The following AUTS2 variants were observed in gnomAD, a reference collection of about 807,000 sequenced individuals.
AUTS2 encodes autism susceptibility gene 2 protein.
A neutral mutation model predicts 112.4 loss-of-function variants in AUTS2; 17 were observed. The observed-to-expected ratio is 0.15, with a 90% confidence interval of 0.10 to 0.23. The LOEUF is 0.23. AUTS2 is among the 10% of genes least tolerant of loss of function. The pLI is 1.00. For missense variants in AUTS2, 1,510 were observed against 1,701.6 expected (o/e 0.89, Z 1.98); for synonymous variants, 751 against 702.7 (o/e 1.07, Z -1.09).
intron 2 of AUTS2, among the ~76,000 whole-genome samples, chr7:70,025,297 A>T (rs1350372351): frequency 6.6e-6 from 1 of 152,094 alleles, no homozygotes; most frequent in South Asian, 2.1e-4. Context: ...AGCCATGTAG[A>T]GCTCAAGGTT....
intron 4 of AUTS2, among the ~76,000 whole-genome samples, chr7:70,361,194 G>C (rs900794900): frequency 9.2e-5 from 14 of 152,092 alleles, no homozygotes; most frequent in African/African-American, 3.4e-4. Context: ...TTAGCTGGGC[G>C]TGGTGGCGGA....
chr7:69,838,829 G>A (rs1005045144), intron 1 of AUTS2, among the ~76,000 whole-genome samples: 11 of 152,098 alleles, frequency 7.2e-5, no homozygotes, highest in Admixed American at 7.2e-4. Context: ...AAGCCACATG[G>A]AGCATAGTTT....
At chr7:69,639,251 ATCTAT>A (rs1794694036) in intron 1 of AUTS2, among the ~76,000 whole-genome samples, 1 of 152,320 alleles carries the variant, frequency 6.6e-6, no homozygotes, top group South Asian at 2.1e-4. Flanking sequence ...GAGAGTACTT[ATCTAT>A]TTTATGTCCT....
At chr7:69,816,981 C>T (rs1400851290) in intron 1 of AUTS2, among the ~76,000 whole-genome samples, 1 of 152,162 alleles carries the variant, frequency 6.6e-6, no homozygotes, top group East Asian at 1.9e-4. Flanking sequence ...CTCTTGGAAC[C>T]TCAGTTCTTT....
In AUTS2 at chr7:70,790,794, A is replaced by G. The variant is rs780293205; in HGVS notation, c.3578A>G (p.His1193Arg). Residue 1193 changes from histidine to arginine, a missense_variant, in exon 19 of 19, where the codon CAC becomes CGC. Around this residue, in one of 3 missense-constraint regions of AUTS2, gnomAD observed 788 missense variants for 797.6 expected, o/e 0.99. Coordinates refer to ENST00000342771, the MANE Select transcript of AUTS2 (RefSeq NM_015570.4). This position sits in a 1 kb window ranked among gnomAD's most constrained non-coding sequence, Gnocchi z 7.6. ...SLITPGLPSM[H>R]YPRISPTAGN... Reference sequence around the variant, plus strand: ...ATCACCCCGGGACTCCCCAGCATGCACTATCCCCGCATCAGCCCCACCGCG... The same window carrying G: ...ATCACCCCGGGACTCCCCAGCATGCGCTATCCCCGCATCAGCCCCACCGCG... 1.9e-6 allele frequency: 3 copies of G among 1,609,598 alleles called. No individual in the cohort carries two copies. Among genetic ancestry groups the G allele is most frequent in the South Asian group, 1.1e-5 (1 of 90,638 alleles).
At chr7:70,373,305 T>C (rs962998925) in intron 4 of AUTS2, among the ~76,000 whole-genome samples, 2 of 152,136 alleles carry the variant, frequency 1.3e-5, no homozygotes, top group Non-Finnish European at 2.9e-5. Context: ...AATACGATCT[T>C]ATTAATAACA....
At chr7:70,328,654 G>T (rs6460543) in intron 4 of AUTS2, among the ~76,000 whole-genome samples, 1 of 151,948 alleles carries the variant, frequency 6.6e-6, no homozygotes, top group African/African-American at 2.4e-5. Flanking sequence ...AAGTTTCTGT[G>T]CAAGAGAGCA....
At chr7:69,848,038 A>C (rs1293189986) in intron 1 of AUTS2, among the ~76,000 whole-genome samples, 1 of 152,228 alleles carries the variant, frequency 6.6e-6, no homozygotes, top group Non-Finnish European at 1.5e-5. Context: ...CATGGGATAG[A>C]GAACAGCCAT....
At chr7:69,784,191 A>AC (rs1174640329) in intron 1 of AUTS2, among the ~76,000 whole-genome samples, 2 of 152,212 alleles carry the variant, frequency 1.3e-5, no homozygotes, top group Non-Finnish European at 2.9e-5. Flanking sequence ...AGAAAAGATT[A>AC]CAGGGTCCTT....
At chr7:70,047,470 G>A (rs1801558975) in intron 2 of AUTS2, among the ~76,000 whole-genome samples, 1 of 152,138 alleles carries the variant, frequency 6.6e-6, no homozygotes. Context: ...TATAACATGA[G>A]GTGATTTTAG....
At chr7:69,720,495 C>T (rs563293930) in intron 1 of AUTS2, among the ~76,000 whole-genome samples, 1 of 152,126 alleles carries the variant, frequency 6.6e-6, no homozygotes, top group Non-Finnish European at 1.5e-5. Context: ...GAGAGCTTGC[C>T]ATTTCTAGTA....
intron 2 of AUTS2, among the ~76,000 whole-genome samples, chr7:70,009,177 C>A (rs1466071554): frequency 6.6e-6 from 1 of 152,058 alleles, no homozygotes; most frequent in Non-Finnish European, 1.5e-5. Context: ...AGCATGAGAG[C>A]AAGAGGAAGC....
At chr7:69,614,715 C>G (rs1012712398) in intron 1 of AUTS2, among the ~76,000 whole-genome samples, 7 of 152,036 alleles carry the variant, frequency 4.6e-5, no homozygotes, top group African/African-American at 1.7e-4. Flanking sequence ...AACTCCTGGT[C>G]TCAAGTGCTT....
At chr7:70,151,745 C>T (rs1484149448) in intron 4 of AUTS2, among the ~76,000 whole-genome samples, 1 of 152,160 alleles carries the variant, frequency 6.6e-6, no homozygotes, top group Admixed American at 6.5e-5. Flanking sequence ...AGCCACCACA[C>T]CCTGCCCTCC....
intron 1 of AUTS2, among the ~76,000 whole-genome samples, chr7:69,701,239 C>A (rs567562631): frequency 4.2e-4 from 64 of 152,262 alleles, no homozygotes; most frequent in African/African-American, 1.5e-3. Flanking sequence ...TAAATACTGG[C>A]CGAAAAGTCG....
At chr7:70,008,220 T>G (rs1339438006) in intron 2 of AUTS2, among the ~76,000 whole-genome samples, 2 of 152,196 alleles carry the variant, frequency 1.3e-5, no homozygotes, top group Non-Finnish European at 2.9e-5. Context: ...TTCTTTATAA[T>G]TCTCTCCCAC....
chr7:70,031,860 T>C (rs973889025), intron 2 of AUTS2, among the ~76,000 whole-genome samples: 4 of 152,178 alleles, frequency 2.6e-5, no homozygotes, highest in Admixed American at 2.0e-4. Flanking sequence ...GTCTATTTGA[T>C]TGAAGAGATG....
chr7:69,642,002 T>C (rs1239087584), intron 1 of AUTS2, among the ~76,000 whole-genome samples: 1 of 152,210 alleles, frequency 6.6e-6, no homozygotes, highest in Non-Finnish European at 1.5e-5. Context: ...GACTCAGTTT[T>C]GTAGTTAATT....
rs1324724763 is a variant in AUTS2, at chr7:70,251,120, A to C, written c.660+116549A>C. On this transcript the variant is annotated intron_variant, in intron 4 of 18. Transcript: ENST00000342771. ...CACTCTGTCGCTTGGGCTGGAGTGC[A>C]CTGGCACAATCTTGGCTCACTGCAA... Among the ~76,000 whole-genome samples, 4 of 151,782 alleles carry C rather than the reference A, an allele frequency of 2.6e-5. No homozygotes were observed. In the East Asian group the frequency reaches 5.8e-4, roughly 22 times the overall value.
Sources: allele counts gnomAD v4.1 joint callset (sites outside exome capture counted in the v4.1 genomes callset), GRCh38; gene constraint gnomAD v4.1.1; regional missense constraint gnomAD v4.1.1; non-coding constraint Gnocchi (gnomAD v3.1); transcripts MANE v1.5; gene names NCBI Gene and HGNC (gene_info 2026-07-23, HGNC 2026-07-21).